Variants in STPG4 observed in about 807,000 individuals in gnomAD.
STPG4 encodes sperm-tail PG-rich repeat containing 4.
Under a neutral mutation model 31.5 loss-of-function variants are expected in STPG4, and 41 were observed. The observed-to-expected ratio is 1.30, with a 90% confidence interval of 1.01 to 1.69. The LOEUF (loss-of-function observed/expected upper bound fraction) is 1.69, where lower values mean the gene tolerates loss of function less well. Ranked by LOEUF, STPG4 falls within the 40% of genes most tolerant of loss-of-function variation. STPG4 has a pLI of 0.00. For synonymous variants in STPG4, 141 were observed against 103.0 expected (o/e 1.37, Z -2.24); for missense variants, 375 against 293.4 (o/e 1.28, Z -2.03).
intron 5 of STPG4, among the ~76,000 whole-genome samples, chr2:47,109,863 G>C (rs571151361): frequency 2.0e-5 from 3 of 152,298 alleles, no homozygotes; most frequent in African/African-American, 7.2e-5. Context: ...CACAATGCTG[G>C]TTTGAGGGCA....
chr2:47,125,153 G>T (rs1255313719), intron 5 of STPG4, among the ~76,000 whole-genome samples: 1 of 152,092 alleles, frequency 6.6e-6, no homozygotes. Flanking sequence ...GGGCATGGTG[G>T]CTCATGCCTG....
intron 5 of STPG4, among the ~76,000 whole-genome samples, chr2:47,116,469 C>T (rs1686154551): frequency 6.6e-6 from 1 of 152,184 alleles, no homozygotes; most frequent in Non-Finnish European, 1.5e-5. Flanking sequence ...AAATTCCCAA[C>T]ATAGCAACTC....
intron 5 of STPG4, chr2:47,108,286 C>G (rs1573161681): frequency 1.3e-5 from 2 of 151,752 alleles, no homozygotes; most frequent in East Asian, 3.9e-4. Context: ...CACTCGAGTC[C>G]CCTTCCACAC....
chr2:47,102,973 C>G (rs1270228063), intron 5 of STPG4, among the ~76,000 whole-genome samples: 4 of 151,878 alleles, frequency 2.6e-5, no homozygotes, highest in African/African-American at 9.7e-5. Flanking sequence ...AAACCCTGGC[C>G]TGTAATGAAA....
chr2:47,088,499 G>C (rs1377241372), intron 6 of STPG4, among the ~76,000 whole-genome samples: 2 of 152,202 alleles, frequency 1.3e-5, no homozygotes, highest in Non-Finnish European at 2.9e-5. Context: ...CTGGGCATGG[G>C]CTTCCCATAC....
intron 5 of STPG4, 28 bp from the exon 6 acceptor site, chr2:47,090,402 T>C: frequency 5.8e-6 from 8 of 1,381,256 alleles, no homozygotes; most frequent in Non-Finnish European, 8.1e-6. Flanking sequence ...AATTGCTTCA[T>C]TATTATTGTA....
chr2:47,112,423 G>A (rs12995869), intron 5 of STPG4, among the ~76,000 whole-genome samples: 4,023 of 151,564 alleles, frequency 0.027, 64 homozygotes, highest in African/African-American at 0.032. Flanking sequence ...TGCCCACCTC[G>A]GCCTCCCAAA....
chr2:47,099,938 A>G (rs1462846204), intron 5 of STPG4, among the ~76,000 whole-genome samples: 6 of 152,244 alleles, frequency 3.9e-5, no homozygotes, highest in Non-Finnish European at 2.9e-5. Flanking sequence ...TGCTGTGCTC[A>G]GTTTCTCGCT....
rs116664074 is a variant in STPG4, at chr2:47,149,029, A to T, written c.399+2229T>A. 8.3e-3 allele frequency among the ~76,000 whole-genome samples: 1,262 copies of T among 152,352 alleles called. 18 individuals are homozygous for T. The highest frequency in any genetic ancestry group is 0.028 in the African/African-American group (1,175 of 41,584). The stretch of plus-strand genomic sequence containing the variant: ...ACTATATCTACCCCAAATTCAAAGT[A>T]TTCTGAGTTCTGCTATTAAAACAGA... On this transcript the variant is annotated intron_variant, in intron 3 of 6. Coordinates refer to ENST00000445927, the MANE Select transcript of STPG4 (RefSeq NM_001163561.2).
chr2:47,153,036 A>G lies in STPG4; in HGVS notation c.82-20T>C. The G allele has an allele frequency of 6.3e-7, 1 of 1,585,332 alleles. No homozygotes were observed. The highest frequency in any genetic ancestry group is 8.6e-7 in the Non-Finnish European group (1 of 1,159,432). ...TGGTTTCTGTTAACAAACACAAAGTATGCTTATTCATTTGAGAGGTGATCC... is the reference window on the plus strand; with the variant it reads ...TGGTTTCTGTTAACAAACACAAAGTGTGCTTATTCATTTGAGAGGTGATCC... On this transcript the variant is annotated intron_variant, in intron 1 of 6. Transcript: ENST00000445927.
intron 5 of STPG4, among the ~76,000 whole-genome samples, chr2:47,122,822 T>TTTGC (rs1686299529): frequency 6.9e-6 from 1 of 145,672 alleles, no homozygotes; most frequent in Non-Finnish European, 1.5e-5. Context: ...TGTCTGTTTG[T>TTTGC]TTTGTTTTTG....
chr2:47,110,026 A>G (rs1017487831), intron 5 of STPG4, among the ~76,000 whole-genome samples: 12 of 146,042 alleles, frequency 8.2e-5, no homozygotes, highest in African/African-American at 3.1e-4. Flanking sequence ...CAGAAACGAA[A>G]TATTTCTGAC....
intron 3 of STPG4, among the ~76,000 whole-genome samples, chr2:47,142,954 T>C (rs879857950): frequency 5.4e-5 from 8 of 149,076 alleles, no homozygotes; most frequent in Non-Finnish European, 1.0e-4. Context: ...TCTCCTGCCT[T>C]AGCCTCCCGA....
intron 5 of STPG4, among the ~76,000 whole-genome samples, chr2:47,091,611 C>A (rs1194750709): frequency 6.6e-6 from 1 of 152,036 alleles, no homozygotes. Flanking sequence ...CTAAATAATG[C>A]AGGAGTTAGG....
At chr2:47,122,772 C>T (rs1686297084) in intron 5 of STPG4, among the ~76,000 whole-genome samples, 1 of 151,774 alleles carries the variant, frequency 6.6e-6, no homozygotes, top group Admixed American at 6.6e-5. Context: ...TCAAACTATC[C>T]CAAAACAATT....
At chr2:47,105,983 A>C (rs1685902370) in intron 5 of STPG4, among the ~76,000 whole-genome samples, 1 of 151,966 alleles carries the variant, frequency 6.6e-6, no homozygotes. Context: ...CCAAATGGGA[A>C]GGAGAGGGGA....
chr2:47,118,865 C>G (rs1052034127), intron 5 of STPG4, among the ~76,000 whole-genome samples: 1 of 152,240 alleles, frequency 6.6e-6, no homozygotes, highest in East Asian at 1.9e-4. Flanking sequence ...AAAGTTAACC[C>G]TACTACATGC....
intron 5 of STPG4, among the ~76,000 whole-genome samples, chr2:47,120,280 G>T (rs919647711): frequency 6.6e-6 from 1 of 152,172 alleles, no homozygotes; most frequent in East Asian, 1.9e-4. Context: ...GCAGTGAGCC[G>T]AGATTGTGCC....
intron 5 of STPG4, among the ~76,000 whole-genome samples, chr2:47,091,158 G>C (rs1685562554): frequency 6.9e-6 from 1 of 145,620 alleles, no homozygotes. Context: ...GGAAGGGAGG[G>C]AGGGAGGGAG....
Sources: gnomAD v4.1 joint callset for allele counts (sites outside exome capture counted in the v4.1 genomes callset) on GRCh38, gnomAD v4.1.1 for gene constraint, MANE v1.5 for transcripts, NCBI Gene and HGNC (gene_info 2026-07-23, HGNC 2026-07-21) for gene names.